The following PPP1R9A variants were observed in gnomAD, a reference collection of about 807,000 sequenced individuals.
PPP1R9A encodes the protein protein phosphatase 1 regulatory subunit 9A.
In PPP1R9A, 59 loss-of-function variants were observed where a neutral mutation model predicts 141.9. That is an observed-to-expected ratio of 0.42 (90% CI 0.34 to 0.52). PPP1R9A has a LOEUF of 0.52. PPP1R9A is among the 20% of genes least tolerant of loss of function. The pLI, the probability that PPP1R9A is intolerant of heterozygous loss-of-function variation, is 0.10. For missense variants in PPP1R9A, 1,444 were observed against 1,611.9 expected (o/e 0.90, Z 1.78); for synonymous variants, 500 against 569.7 (o/e 0.88, Z 1.74).
chr7:95,023,449 G>T (rs887723828), intron 2 of PPP1R9A, among the ~76,000 whole-genome samples: 4 of 151,974 alleles, frequency 2.6e-5, no homozygotes, highest in African/African-American at 4.8e-5. Flanking sequence ...TGATTTTTTT[G>T]AATGGTTTTT....
intron 2 of PPP1R9A, among the ~76,000 whole-genome samples, chr7:94,954,839 G>A (rs1290583645): frequency 4.0e-5 from 1 of 25,014 alleles, no homozygotes. Flanking sequence ...ATATGCGTGT[G>A]TGTGTGTGTG....
intron 7 of PPP1R9A, among the ~76,000 whole-genome samples, chr7:95,224,495 A>G (rs1375134985): frequency 2.0e-5 from 3 of 152,128 alleles, no homozygotes; most frequent in Non-Finnish European, 4.4e-5. Context: ...AACTGTGTCT[A>G]CTTTCAGGCT....
chr7:94,966,273 A>G (rs1370694515), intron 2 of PPP1R9A, among the ~76,000 whole-genome samples: 1 of 152,202 alleles, frequency 6.6e-6, no homozygotes. Context: ...GTCATCTGCA[A>G]ACAGAGACAA....
chr7:95,253,168 A>T (rs182579867), intron 12 of PPP1R9A, among the ~76,000 whole-genome samples: 2 of 152,206 alleles, frequency 1.3e-5, no homozygotes, highest in African/African-American at 2.4e-5. Flanking sequence ...AAATATATAC[A>T]TAGTAGTCCC....
chr7:95,228,828 A>G (rs1585357001), intron 8 of PPP1R9A, among the ~76,000 whole-genome samples: 1 of 152,238 alleles, frequency 6.6e-6, no homozygotes, highest in East Asian at 1.9e-4. Context: ...CTTTTTTCTC[A>G]TCCTCCCTAA....
At chr7:94,943,229 G>A (rs972041905) in intron 2 of PPP1R9A, among the ~76,000 whole-genome samples, 1 of 152,086 alleles carries the variant, frequency 6.6e-6, no homozygotes, top group Non-Finnish European at 1.5e-5. Flanking sequence ...ATCTCTCTGG[G>A]ATAAACTATA....
intron 2 of PPP1R9A, among the ~76,000 whole-genome samples, chr7:94,950,435 A>G (rs1052503594): frequency 1.3e-5 from 2 of 151,970 alleles, no homozygotes; most frequent in Admixed American, 1.3e-4. Flanking sequence ...AAGTTTTCTC[A>G]TCTTGTTCTT....
intron 2 of PPP1R9A, among the ~76,000 whole-genome samples, chr7:95,059,943 T>C: frequency 6.6e-6 from 1 of 152,136 alleles, no homozygotes; most frequent in Non-Finnish European, 1.5e-5. Context: ...TTGAGGTGTT[T>C]TGCCTCAGAT....
rs854546 is a variant in PPP1R9A, at chr7:95,294,452, A to C, written c.*4149A>C. The C allele has an allele frequency of 0.67, 100,950 of 151,456 alleles. 34,700 individuals are homozygous for C. The highest frequency in any genetic ancestry group is 0.79 in the South Asian group (3,785 of 4,776). 9.4% of individuals were successfully genotyped at this position (151,456 alleles called of 1,614,324 possible). A position where few individuals can be genotyped will look rare whatever the true frequency, so the allele number is the denominator to read the frequency against. On this transcript the variant is annotated 3_prime_UTR_variant, in exon 20 of 20. Transcript: ENST00000433360. ...CCCAGCCAAAACATCCATATTTTCT[A>C]TTAGAATGGTTTACATTATGATGGG...
intron 2 of PPP1R9A, among the ~76,000 whole-genome samples, chr7:94,996,127 A>C (rs190209052): frequency 6.6e-6 from 1 of 152,092 alleles, no homozygotes; most frequent in Non-Finnish European, 1.5e-5. Context: ...TATCTTGGGG[A>C]AAAAAATGTA....
intron 2 of PPP1R9A, among the ~76,000 whole-genome samples, chr7:95,031,962 A>G (rs12704775): frequency 0.075 from 11,438 of 152,108 alleles, 514 homozygotes; most frequent in East Asian, 0.15. Context: ...TCTGTTTCCT[A>G]TTATTTCTAC....
At chr7:95,166,649 CCT>C (rs1298315726) in intron 5 of PPP1R9A, among the ~76,000 whole-genome samples, 1 of 152,142 alleles carries the variant, frequency 6.6e-6, no homozygotes, top group African/African-American at 2.4e-5. Flanking sequence ...GGAACTTCTC[CCT>C]GATTCTTTCT....
chr7:95,006,353 G>A (rs1264651340), intron 2 of PPP1R9A, among the ~76,000 whole-genome samples: 1 of 151,912 alleles, frequency 6.6e-6, no homozygotes, highest in Non-Finnish European at 1.5e-5. Context: ...GAGTAGCTGG[G>A]ATTACAGGCA....
chr7:95,255,699 C>A (rs1359416209), intron 12 of PPP1R9A, among the ~76,000 whole-genome samples: 1 of 152,148 alleles, frequency 6.6e-6, no homozygotes, highest in Admixed American at 6.5e-5. Flanking sequence ...ATGTAAGCAT[C>A]TCAAAAGATG....
intron 2 of PPP1R9A, among the ~76,000 whole-genome samples, chr7:94,928,245 T>G (rs1248957913): frequency 2.0e-5 from 3 of 149,546 alleles, no homozygotes; most frequent in East Asian, 3.9e-4. Context: ...ATGAAGGGGG[T>G]GTGTGTGTGT....
intron 17 of PPP1R9A, among the ~76,000 whole-genome samples, chr7:95,284,651 T>C (rs1217289738): frequency 1.3e-5 from 2 of 152,218 alleles, no homozygotes; most frequent in African/African-American, 4.8e-5. Flanking sequence ...GTTCAGTACA[T>C]CTAAGTGAAA....
chr7:94,924,360 C>T (rs141426354), intron 2 of PPP1R9A, among the ~76,000 whole-genome samples: 65 of 152,162 alleles, frequency 4.3e-4, no homozygotes, highest in African/African-American at 1.4e-3. Flanking sequence ...CTCTGTATAA[C>T]GAGTTCTGTG....
chr7:94,933,736 A>C (rs768866861), intron 2 of PPP1R9A, among the ~76,000 whole-genome samples: 1 of 152,162 alleles, frequency 6.6e-6, no homozygotes, highest in Non-Finnish European at 1.5e-5. Context: ...ACTTTTTAGC[A>C]GTGGAAACCC....
chr7:95,165,665 TG>T (rs1289348449), intron 5 of PPP1R9A, among the ~76,000 whole-genome samples: 1 of 152,166 alleles, frequency 6.6e-6, no homozygotes, highest in Non-Finnish European at 1.5e-5. Context: ...GGTACCTGAA[TG>T]TGGGCTCCAG....
Sources: allele counts gnomAD v4.1 joint callset (sites outside exome capture counted in the v4.1 genomes callset), GRCh38; gene constraint gnomAD v4.1.1; transcripts MANE v1.5; gene names NCBI Gene and HGNC (gene_info 2026-07-23, HGNC 2026-07-21).